Variants in KIAA1958 observed in about 807,000 individuals in gnomAD.
KIAA1958 encodes KIAA1958.
KIAA1958 carries 14 observed loss-of-function variants against 47.2 expected under a neutral mutation model. The ratio of observed to expected loss-of-function variants is 0.30; its 90% CI spans 0.20 to 0.46. The LOEUF (loss-of-function observed/expected upper bound fraction) is 0.46. Ranked by LOEUF, KIAA1958 falls within the 20% of genes least tolerant of loss-of-function variation. The pLI, the probability that KIAA1958 is intolerant of heterozygous loss-of-function variation, is 1.00. For missense variants in KIAA1958, 803 were observed against 909.2 expected (o/e 0.88, Z 1.50); for synonymous variants, 354 against 353.3 (o/e 1.00, Z -0.02).
At chr9:112,529,772 A>G (rs1183317642) in intron 1 of KIAA1958, among the ~76,000 whole-genome samples, 1 of 151,946 alleles carries the variant, frequency 6.6e-6, no homozygotes, top group African/African-American at 2.4e-5. Context: ...TTCCCTACCT[A>G]ATTTACTTTT....
chr9:112,510,447 T>TA (rs1309091503), intron 1 of KIAA1958, among the ~76,000 whole-genome samples: 1 of 152,320 alleles, frequency 6.6e-6, no homozygotes, highest in East Asian at 1.9e-4. Context: ...TCAGCATGTT[T>TA]AAAATTTCTC....
At chr9:112,521,586 G>A (rs910184598) in intron 1 of KIAA1958, among the ~76,000 whole-genome samples, 6 of 151,984 alleles carry the variant, frequency 3.9e-5, no homozygotes, top group Admixed American at 3.9e-4. Context: ...TTAATTTTTA[G>A]TTTTATTGCA....
At chr9:112,560,104 G>A (rs1588017874) in intron 1 of KIAA1958, among the ~76,000 whole-genome samples, 1 of 150,440 alleles carries the variant, frequency 6.6e-6, no homozygotes, top group African/African-American at 2.4e-5. Context: ...TTACTATGTT[G>A]CCTAGGCTGG....
chr9:112,568,015 A>G (rs1214285461), intron 1 of KIAA1958, among the ~76,000 whole-genome samples: 4 of 152,044 alleles, frequency 2.6e-5, no homozygotes, highest in African/African-American at 9.7e-5. Flanking sequence ...AAAAAAATTA[A>G]AGGATACTTA....
chr9:112,594,341 A>G (rs1678920291), intron 2 of KIAA1958, among the ~76,000 whole-genome samples: 1 of 152,178 alleles, frequency 6.6e-6, no homozygotes, highest in African/African-American at 2.4e-5. Context: ...CAGTGGTTTC[A>G]AGTATATTGT....
Position 112,665,346 on chromosome 9 carries a change from A to T in KIAA1958, c.*5277A>T, listed in dbSNP as rs1007065267. On this transcript the variant is annotated 3_prime_UTR_variant, in exon 4 of 4. Transcript: ENST00000337530. Reference sequence around the variant, plus strand: ...ACGTGCTTTCTCACAGCTGCCATATATTCTCATGTAATCTTTACAACCGCT... The same window carrying T: ...ACGTGCTTTCTCACAGCTGCCATATTTTCTCATGTAATCTTTACAACCGCT... The T allele has an allele frequency of 6.6e-6, 1 of 152,230 alleles. No homozygotes were observed. Among genetic ancestry groups the T allele is most frequent in the African/African-American group, 2.4e-5 (1 of 41,460 alleles). 9.4% of individuals were successfully genotyped at this position (152,230 alleles called of 1,614,324 possible).
At position 112,661,481 on chromosome 9, in the gene KIAA1958, A is replaced by G. The variant is rs1837274699; in HGVS notation, c.*1412A>G. On this transcript the variant is annotated 3_prime_UTR_variant, in exon 4 of 4. Transcript: ENST00000337530. ...GCTCCTAATATGCTTTCTAATCCCA[A>G]ATTAAAACTCTAATACAAATTCATT... 1 of 152,334 alleles carries G rather than the reference A, an allele frequency of 6.6e-6. No individual in the cohort carries two copies. The highest frequency in any genetic ancestry group is 6.5e-5 in the Admixed American group (1 of 15,304). The allele number at this position is 152,334 out of a possible 1,614,324, so 9.4% of individuals were successfully genotyped here.
In KIAA1958 at chr9:112,625,753, T is replaced by C. The variant is rs529534138; in HGVS notation, c.1172-19897T>C. On this transcript the variant is annotated intron_variant, in intron 2 of 3. Transcript: ENST00000337530. Reference sequence around the variant, plus strand: ...TGTGACATTTCACTTTTCATTGTGTTGTGTTACATCTTAGTTTTAGCAACT... The same window carrying C: ...TGTGACATTTCACTTTTCATTGTGTCGTGTTACATCTTAGTTTTAGCAACT... Among the ~76,000 whole-genome samples the C allele has an allele frequency of 3.9e-5, 6 of 152,344 alleles. No individual in the cohort carries two copies. In the South Asian group the frequency reaches 1.0e-3, roughly 26 times the overall value.
At chr9:112,625,294 G>A (rs1232704737) in intron 2 of KIAA1958, among the ~76,000 whole-genome samples, 1 of 151,998 alleles carries the variant, frequency 6.6e-6, no homozygotes, top group African/African-American at 2.4e-5. Context: ...TGGGACTCCC[G>A]GTTCATACCA....
At chr9:112,549,830 G>A (rs904274336) in intron 1 of KIAA1958, among the ~76,000 whole-genome samples, 2 of 152,266 alleles carry the variant, frequency 1.3e-5, no homozygotes, top group East Asian at 1.9e-4. Context: ...GCATCTAGTG[G>A]GTAGAGATGC....
At chr9:112,652,570 TG>T (rs1460517062) in intron 3 of KIAA1958, among the ~76,000 whole-genome samples, 3 of 152,234 alleles carry the variant, frequency 2.0e-5, no homozygotes, top group Non-Finnish European at 2.9e-5. Context: ...TAAGTCAGCT[TG>T]GTTCGCCTGG....
intron 1 of KIAA1958, among the ~76,000 whole-genome samples, chr9:112,502,726 T>C (rs1834164160): frequency 6.6e-6 from 1 of 152,248 alleles, no homozygotes; most frequent in South Asian, 2.1e-4. Context: ...CTGTGGTTGC[T>C]TTTGTGCTGC....
intron 1 of KIAA1958, among the ~76,000 whole-genome samples, chr9:112,502,798 C>T (rs1834165430): frequency 6.6e-6 from 1 of 152,176 alleles, no homozygotes; most frequent in South Asian, 2.1e-4. Context: ...TACTATCTGA[C>T]TTACTCCAGG....
chr9:112,647,630 C>T (rs1836998453), intron 3 of KIAA1958, among the ~76,000 whole-genome samples: 1 of 152,194 alleles, frequency 6.6e-6, no homozygotes, highest in South Asian at 2.1e-4. Flanking sequence ...TCACAGTAAT[C>T]TAGCAGATTT....
At chr9:112,625,468 C>T (rs960177950) in intron 2 of KIAA1958, among the ~76,000 whole-genome samples, 3 of 152,080 alleles carry the variant, frequency 2.0e-5, no homozygotes, top group African/African-American at 7.2e-5. Flanking sequence ...CACCCTTTAA[C>T]AAAAGAGGCA....
At chr9:112,502,570 A>C (rs2132767067) in intron 1 of KIAA1958, among the ~76,000 whole-genome samples, 1 of 152,344 alleles carries the variant, frequency 6.6e-6, no homozygotes. Context: ...CACTTTGAAA[A>C]GCAATGTGTC....
intron 1 of KIAA1958, among the ~76,000 whole-genome samples, chr9:112,546,637 A>C (rs1010546541): frequency 2.6e-5 from 4 of 152,092 alleles, no homozygotes; most frequent in Non-Finnish European, 5.9e-5. Flanking sequence ...CTGAACTCCA[A>C]TTTTGAGGTT....
chr9:112,598,555 T>C (rs1285615831), intron 2 of KIAA1958, among the ~76,000 whole-genome samples: 1 of 152,188 alleles, frequency 6.6e-6, no homozygotes, highest in African/African-American at 2.4e-5. Context: ...GTGTCACCCA[T>C]GGAAAATAAA....
At chr9:112,550,578 T>C (rs1350793108) in intron 1 of KIAA1958, among the ~76,000 whole-genome samples, 1 of 152,120 alleles carries the variant, frequency 6.6e-6, no homozygotes. Context: ...AGCGAAAGAA[T>C]ACAGATTAAA....
Sources: allele counts gnomAD v4.1 joint callset (sites outside exome capture counted in the v4.1 genomes callset), GRCh38; gene constraint gnomAD v4.1.1; transcripts MANE v1.5; gene names NCBI Gene and HGNC (gene_info 2026-07-23, HGNC 2026-07-21).